Variants in UNC5D observed in about 807,000 individuals in gnomAD.
The protein encoded by UNC5D is unc-5 netrin receptor D.
UNC5D carries 39 observed loss-of-function variants against 105.4 expected under a neutral mutation model. That is an observed-to-expected ratio of 0.37 (90% CI 0.29 to 0.48). The LOEUF is 0.48. Ranked by LOEUF, UNC5D falls within the 20% of genes least tolerant of loss-of-function variation. UNC5D has a pLI of 0.98. For synonymous variants in UNC5D, 452 were observed against 450.4 expected (o/e 1.00, Z -0.04); for missense variants, 991 against 1,202.4 (o/e 0.82, Z 2.60).
At chr8:35,422,574 C>A (rs1292690994) in intron 1 of UNC5D, among the ~76,000 whole-genome samples, 6 of 152,182 alleles carry the variant, frequency 3.9e-5, no homozygotes, top group African/African-American at 1.4e-4. Context: ...AATTCCATTT[C>A]TCTACAAATT....
At position 35,790,452 on chromosome 8, in the gene UNC5D, C is replaced by T; in HGVS notation, c.2751C>T (p.Ser917=). Residue 917 remains serine, a synonymous_variant, in exon 17 of 17, where the codon TCC becomes TCT. Coordinates refer to ENST00000404895, the MANE Select transcript of UNC5D (RefSeq NM_080872.4). The part of the protein sequence containing the change: ...ARHQHDGDLD[S]LACALEEIGR... ...ATCAGCATGATGGTGATCTTGACTC[C>T]CTGGCCTGTGCCCTTGAAGAGATTG... is the stretch of plus-strand genomic sequence containing the variant. The T allele has an allele frequency of 6.2e-7, 1 of 1,613,928 alleles. No homozygotes were observed. Among genetic ancestry groups the T allele is most frequent in the Non-Finnish European group, 8.5e-7 (1 of 1,179,888 alleles).
chr8:35,701,677 G>A (rs1319205496), intron 7 of UNC5D, among the ~76,000 whole-genome samples: 8 of 152,026 alleles, frequency 5.3e-5, no homozygotes, highest in Admixed American at 1.3e-4. Context: ...CAAAGCAATA[G>A]CTGCCTTACA....
At chr8:35,257,792 A>G (rs973344820) in intron 1 of UNC5D, among the ~76,000 whole-genome samples, 1 of 152,186 alleles carries the variant, frequency 6.6e-6, no homozygotes, top group African/African-American at 2.4e-5. Flanking sequence ...TGCTAGCCAG[A>G]TTGCAGATCC....
At position 35,410,563 on chromosome 8, in the gene UNC5D, A is replaced by G. The variant is rs548555214; in HGVS notation, c.104-138729A>G. 2.0e-5 allele frequency among the ~76,000 whole-genome samples: 3 copies of G among 152,218 alleles called. No individual in the cohort carries two copies. The South Asian group carries it at 6.2e-4, about 32-fold the overall frequency. On this transcript the variant is annotated intron_variant, in intron 1 of 16. Coordinates refer to ENST00000404895, the MANE Select transcript of UNC5D (RefSeq NM_080872.4). The stretch of plus-strand genomic sequence containing the variant: ...GTATTGTGGAATAGAAAGAATGCAA[A>G]GAACATCTCTTTCAGTGATTATAAA...
chr8:35,240,024 C>T (rs889727914), intron 1 of UNC5D, among the ~76,000 whole-genome samples: 11 of 152,184 alleles, frequency 7.2e-5, no homozygotes, highest in African/African-American at 1.9e-4. Context: ...CAGTGGCGAA[C>T]TCCTAGGCTC....
At chr8:35,673,771 G>A (rs1412686304) in intron 4 of UNC5D, among the ~76,000 whole-genome samples, 1 of 152,092 alleles carries the variant, frequency 6.6e-6, no homozygotes, top group Admixed American at 6.5e-5. Context: ...CACAAGAACA[G>A]GAATACCAGT....
At chr8:35,344,124 C>A (rs1193160314) in intron 1 of UNC5D, among the ~76,000 whole-genome samples, 1 of 152,036 alleles carries the variant, frequency 6.6e-6, no homozygotes, top group Non-Finnish European at 1.5e-5. Context: ...GGGTTGGTTT[C>A]TGTTTTCTTG....
Position 35,611,095 on chromosome 8 carries a change from C to A in UNC5D, c.570+15438C>A, listed in dbSNP as rs571689111. 2.1e-5 allele frequency among the ~76,000 whole-genome samples: 3 copies of A among 143,358 alleles called. No individual in the cohort carries two copies. In the South Asian group the frequency reaches 6.6e-4, roughly 32 times the overall value. The allele number at this position is 143,358 out of a possible 152,430, so 94.0% of individuals were successfully genotyped here. On this transcript the variant is annotated intron_variant, in intron 4 of 16. Coordinates refer to ENST00000404895, the MANE Select transcript of UNC5D (RefSeq NM_080872.4). ...GGTAAAGATTATTTTGATTTCTGTTCTTCCTTCTTCCTTCATTTTTAAAGC... is the reference window on the plus strand; with the variant it reads ...GGTAAAGATTATTTTGATTTCTGTTATTCCTTCTTCCTTCATTTTTAAAGC...
chr8:35,600,545 G>T (rs1819795426), intron 4 of UNC5D, among the ~76,000 whole-genome samples: 1 of 152,130 alleles, frequency 6.6e-6, no homozygotes, highest in Admixed American at 6.5e-5. Flanking sequence ...TTCTCTGATG[G>T]CCAGTGATGA....
At chr8:35,501,755 AT>A (rs1189659792) in intron 1 of UNC5D, among the ~76,000 whole-genome samples, 2 of 152,188 alleles carry the variant, frequency 1.3e-5, no homozygotes, top group East Asian at 1.9e-4. Context: ...TAAATATAAA[AT>A]TCCCATGAGC....
chr8:35,306,099 C>T (rs1487756017), intron 1 of UNC5D, among the ~76,000 whole-genome samples: 1 of 151,804 alleles, frequency 6.6e-6, no homozygotes, highest in East Asian at 1.9e-4. Flanking sequence ...GTGTTTTGTT[C>T]TTCACCTGAA....
At chr8:35,788,867 G>C (rs933634524) in intron 16 of UNC5D, among the ~76,000 whole-genome samples, 1 of 151,792 alleles carries the variant, frequency 6.6e-6, no homozygotes, top group African/African-American at 2.4e-5. Flanking sequence ...GAACCATTGA[G>C]ACACACACAA....
chr8:35,438,170 T>G (rs1807152058), intron 1 of UNC5D, among the ~76,000 whole-genome samples: 1 of 151,952 alleles, frequency 6.6e-6, no homozygotes, highest in Admixed American at 6.6e-5. Context: ...CAGAAGGCAA[T>G]ATGATACAGT....
At chr8:35,302,775 A>G (rs1261215924) in intron 1 of UNC5D, among the ~76,000 whole-genome samples, 2 of 152,200 alleles carry the variant, frequency 1.3e-5, no homozygotes, top group African/African-American at 4.8e-5. Flanking sequence ...ATATTGCACA[A>G]GATAAGTATG....
intron 1 of UNC5D, chr8:35,525,370 T>C (rs1409592666): frequency 1.2e-6 from 2 of 1,612,148 alleles, no homozygotes; most frequent in Non-Finnish European, 1.7e-6. Context: ...ACGATGTTTT[T>C]TTCTTGCCAT....
intron 1 of UNC5D, among the ~76,000 whole-genome samples, chr8:35,391,027 T>C (rs181272005): frequency 6.6e-6 from 1 of 152,344 alleles, no homozygotes; most frequent in Admixed American, 6.5e-5. Context: ...TGAGCTTCTG[T>C]ACTTTCATCT....
intron 1 of UNC5D, among the ~76,000 whole-genome samples, chr8:35,373,140 C>G (rs1802516892): frequency 1.3e-5 from 2 of 152,156 alleles, no homozygotes; most frequent in Non-Finnish European, 2.9e-5. Flanking sequence ...CTGTGGCTTC[C>G]TATGTAAAAA....
chr8:35,678,177 A>C (rs1825398866), intron 4 of UNC5D, among the ~76,000 whole-genome samples: 1 of 152,278 alleles, frequency 6.6e-6, no homozygotes, highest in Non-Finnish European at 1.5e-5. Flanking sequence ...TCTTGAGCAT[A>C]CATCATTTAC....
At chr8:35,304,116 G>GT (rs1003289384) in intron 1 of UNC5D, among the ~76,000 whole-genome samples, 64 of 150,516 alleles carry the variant, frequency 4.3e-4, no homozygotes, top group African/African-American at 1.2e-3. Context: ...CCTGGACTTG[G>GT]TTTTTTTTTC....
Sources: allele counts gnomAD v4.1 joint callset (sites outside exome capture counted in the v4.1 genomes callset), GRCh38; gene constraint gnomAD v4.1.1; transcripts MANE v1.5; gene names NCBI Gene and HGNC (gene_info 2026-07-23, HGNC 2026-07-21).